Variants in KNDC1 observed in about 807,000 individuals in gnomAD.
The protein encoded by KNDC1 is kinase non-catalytic C-lobe domain-containing protein 1.
Under a neutral mutation model 172.8 loss-of-function variants are expected in KNDC1, and 106 were observed. The observed-to-expected ratio is 0.61, with a 90% confidence interval of 0.52 to 0.72. The LOEUF (loss-of-function observed/expected upper bound fraction) is 0.72. KNDC1 is among the 30% of genes least tolerant of loss of function. The pLI, the probability that KNDC1 is intolerant of heterozygous loss-of-function variation, is 0.00. For synonymous variants in KNDC1, 1,083 were observed against 1,062.2 expected, an observed-to-expected ratio of 1.02 and a Z score of -0.38; for missense variants, 2,325 against 2,394.5, an observed-to-expected ratio of 0.97 and a Z score of 0.61.
intron 29 of KNDC1, among the ~76,000 whole-genome samples, chr10:133,222,262 GAT>G (rs1197491904): frequency 1.4e-5 from 2 of 139,162 alleles, no homozygotes; most frequent in East Asian, 4.7e-4. Context: ...CAGCCTGGGC[GAT>G]AGAGCGAGAC....
chr10:133,201,390 A>G (rs957369250), intron 16 of KNDC1, 111 bp from the exon 17 acceptor site: 135 of 1,224,072 alleles, frequency 1.1e-4, no homozygotes, highest in Non-Finnish European at 1.5e-4. Context: ...GGGCGGGTGC[A>G]AGAGAGAAGG....
In KNDC1 at chr10:133,225,177, A is replaced by C. The variant is rs1423434395; in HGVS notation, c.*287A>C. On this transcript the variant is annotated 3_prime_UTR_variant, in exon 30 of 30. Coordinates refer to ENST00000304613, the MANE Select transcript of KNDC1 (RefSeq NM_152643.8). Reference sequence around the variant, plus strand: ...AAATGAAAATGAAAGACAGCTTCCCAGGAGTTTTGTGCCTGTCTGCGCCTC... The same window carrying C: ...AAATGAAAATGAAAGACAGCTTCCCCGGAGTTTTGTGCCTGTCTGCGCCTC... 1 of 390,542 alleles carries C rather than the reference A, an allele frequency of 2.6e-6. No individual in the cohort carries two copies. 24.2% of individuals were successfully genotyped at this position (390,542 alleles called of 1,614,324 possible).
chr10:133,222,119 T>TA (rs1845607593), intron 29 of KNDC1, among the ~76,000 whole-genome samples: 1 of 149,596 alleles, frequency 6.7e-6, no homozygotes, highest in Non-Finnish European at 1.5e-5. Context: ...CCATCTCTAC[T>TA]AAAAATACAA....
At chr10:133,175,461 T>C (rs1215892368) in intron 3 of KNDC1, among the ~76,000 whole-genome samples, 10 of 141,708 alleles carry the variant, frequency 7.1e-5, no homozygotes, top group African/African-American at 2.7e-4. Context: ...GGGTGGATGG[T>C]AGATGAACAG....
chr10:133,224,950 G>C lies in KNDC1; in HGVS notation c.*60G>C, dbSNP rs760273228. The C allele has an allele frequency of 2.9e-6, 4 of 1,375,698 alleles. No individual in the cohort carries two copies. The highest frequency in any genetic ancestry group is 4.1e-6 in the Non-Finnish European group (4 of 977,148). 85.2% of individuals were successfully genotyped at this position (1,375,698 alleles called of 1,614,324 possible). On this transcript the variant is annotated 3_prime_UTR_variant, in exon 30 of 30. Transcript: ENST00000304613. This position sits in a 1 kb window ranked among gnomAD's most constrained non-coding sequence, Gnocchi z 5.4. ...AATCCGACTGTGGGGGGCGGGCTGGGAGGTGGGAGCCGCGTCTCAGGCCCG... is the reference window on the plus strand; with the variant it reads ...AATCCGACTGTGGGGGGCGGGCTGGCAGGTGGGAGCCGCGTCTCAGGCCCG...
At chr10:133,200,646 C>T (rs2998136) in intron 16 of KNDC1, among the ~76,000 whole-genome samples, 186 bp downstream of exon 16, 70,445 of 149,956 alleles carry the variant, frequency 0.47, 16,929 homozygotes, top group Middle Eastern at 0.55. Context: ...AAAGGCCGCC[C>T]TCTCCTGGGG....
rs1469237366 is a variant in KNDC1 at position 133,188,453 on chromosome 10, C to G, written c.1327-86C>G. On this transcript the variant is annotated intron_variant, in intron 6 of 29. Transcript: ENST00000304613. The stretch of plus-strand genomic sequence containing the variant: ...ACTCAGGGGCTGAGTGGGCCTCACC[C>G]TGGCCTGTCCCCCGGACATGCCTCT... The G allele has an allele frequency of 3.5e-6, 3 of 852,572 alleles. No homozygotes were observed. The East Asian group carries it at 8.0e-5, about 23-fold the overall frequency. 52.8% of individuals were successfully genotyped at this position (852,572 alleles called of 1,614,324 possible).
Position 133,224,650 on chromosome 10 carries a change from CA to C in KNDC1, c.5019-7del, listed in dbSNP as rs778452387. On this transcript the variant is annotated splice_polypyrimidine_tract_variant and splice_region_variant and intron_variant, in intron 29 of 29. Coordinates refer to ENST00000304613, the MANE Select transcript of KNDC1 (RefSeq NM_152643.8). The surrounding 1 kb of genome is among the most constrained non-coding windows in gnomAD (Gnocchi z 5.4). ...TGCAAACTAACGTCTCTTCTTTCCT[CA>C]ACGGAAGGAACATCGCAAAGGTGGT... 3.7e-6 allele frequency: 6 copies of C among 1,611,088 alleles called. No individual in the cohort carries two copies. The South Asian group carries it at 4.4e-5, about 12-fold the overall frequency.
intron 17 of KNDC1, among the ~76,000 whole-genome samples, chr10:133,206,070 C>G (rs974485510): frequency 5.3e-5 from 8 of 151,980 alleles, no homozygotes; most frequent in Admixed American, 1.3e-4. Context: ...CATGGTGGTG[C>G]ATGCCTGTAA....
At chr10:133,188,471 A>C in intron 6 of KNDC1, 68 bp from the exon 7 acceptor site, 1 of 1,013,804 alleles carries the variant, frequency 9.9e-7, no homozygotes, top group Admixed American at 2.1e-5. Context: ...TCCCCCGGAC[A>C]TGCCTCTCCA....
At chr10:133,183,778 G>T in intron 4 of KNDC1, 94 bp from the exon 5 acceptor site, 1 of 1,038,662 alleles carries the variant, frequency 9.6e-7, no homozygotes, top group South Asian at 1.6e-5. Flanking sequence ...ACTGTCCCCA[G>T]GTCACCTTCA....
At chr10:133,181,997 G>A (rs1564881162) in intron 3 of KNDC1, among the ~76,000 whole-genome samples, 3 of 152,186 alleles carry the variant, frequency 2.0e-5, no homozygotes, top group Admixed American at 6.5e-5. Flanking sequence ...AGAAAAAGGA[G>A]TTTGAGGCAG....
intron 24 of KNDC1, 69 bp downstream of exon 24, chr10:133,212,991 AG>A: frequency 7.3e-7 from 1 of 1,362,858 alleles, no homozygotes; most frequent in South Asian, 1.3e-5. Flanking sequence ...CCGCGCCCAT[AG>A]GGCCCTCAGC....
Position 133,210,567 on chromosome 10 carries a change from T to C in KNDC1, c.3795-44T>C, listed in dbSNP as rs764882384. 2.5e-6 allele frequency: 3 copies of C among 1,189,698 alleles called. No individual in the cohort carries two copies. In the South Asian group the frequency reaches 3.6e-5, roughly 14 times the overall value. 73.7% of individuals were successfully genotyped at this position (1,189,698 alleles called of 1,614,324 possible). On this transcript the variant is annotated intron_variant, in intron 20 of 29. Coordinates refer to ENST00000304613, the MANE Select transcript of KNDC1 (RefSeq NM_152643.8). ...ACCGAACACTAGCCGAGCCCTGGGG[T>C]GCGGCCACCCCACCACCTCACCGCC...
Position 133,224,830 on chromosome 10 carries a change from C to A in KNDC1, c.5190C>A (p.Ser1730Arg). 6.2e-7 allele frequency: 1 copy of A among 1,614,068 alleles called. No individual in the cohort carries two copies. The highest frequency in any genetic ancestry group is 8.5e-7 in the Non-Finnish European group (1 of 1,180,014). ...GGGCCAACTTCCACCAGGTCTCCAG[C>A]GAGAAGCACTCACGGAAGATTCAGG... is the stretch of plus-strand genomic sequence containing the variant. The part of the protein sequence containing the change: ...DSRANFHQVS[S>R]EKHSRKIQDK... The change falls in exon 30 of 30, where the codon AGC becomes AGA. Residue 1730 changes from serine to arginine, a missense_variant. Transcript: ENST00000304613. This position sits in a 1 kb window ranked among gnomAD's most constrained non-coding sequence, Gnocchi z 5.4.
At chr10:133,179,677 G>T (rs920137202) in intron 3 of KNDC1, among the ~76,000 whole-genome samples, 2 of 152,234 alleles carry the variant, frequency 1.3e-5, no homozygotes, top group Non-Finnish European at 2.9e-5. Flanking sequence ...CACGTGCGTG[G>T]CCAGGCCCTG....
chr10:133,214,529 C>A (rs1024163944), intron 26 of KNDC1, among the ~76,000 whole-genome samples: 49 of 152,202 alleles, frequency 3.2e-4, no homozygotes, highest in Admixed American at 3.3e-4. Context: ...CACACAGAGT[C>A]CCTCACGCAC....
chr10:133,207,215 AC>A lies in KNDC1; in HGVS notation c.3659del (p.Thr1220SerfsTer82). The stretch of plus-strand genomic sequence containing the variant: ...GAACATCGCGGCCGCACCCTGCGAC[AC>A]GCTGGACTTCAGCCCCCTGGACGAG... ...IVNIAAAPCD[T>X]LDFSPLDESS... On this transcript the variant is annotated frameshift_variant, in exon 20 of 30. Coordinates refer to ENST00000304613, the MANE Select transcript of KNDC1 (RefSeq NM_152643.8). LOFTEE classifies it high-confidence loss of function. The A allele has an allele frequency of 6.2e-7, 1 of 1,612,544 alleles. No individual in the cohort carries two copies. Among genetic ancestry groups the A allele is most frequent in the Non-Finnish European group, 8.5e-7 (1 of 1,179,896 alleles).
At position 133,212,851 on chromosome 10, in the gene KNDC1, G is replaced by C; in HGVS notation, c.4372G>C (p.Glu1458Gln). ...CTACGGCCCCTGCGCCAAGACCAGT[G>C]AGAAGGGGCCCTACTTCCTGACGGA... Reference protein sequence around the residue: ...DFYGPCAKTSEKGPYFLTEYS... With the variant: ...DFYGPCAKTSQKGPYFLTEYS... Residue 1458 changes from glutamate (E) to glutamine (Q), a missense_variant, in exon 24 of 30, where the codon GAG becomes CAG. Physicochemically the swap from Glu to Gln is conservative, Grantham distance 29. Coordinates refer to ENST00000304613, the MANE Select transcript of KNDC1 (RefSeq NM_152643.8). 6.2e-7 allele frequency: 1 copy of C among 1,614,018 alleles called. No individual in the cohort carries two copies. Among genetic ancestry groups the C allele is most frequent in the South Asian group, 1.1e-5 (1 of 91,086 alleles).
Sources: gnomAD v4.1 joint callset for allele counts (sites outside exome capture counted in the v4.1 genomes callset) on GRCh38, gnomAD v4.1.1 for gene constraint, Gnocchi (gnomAD v3.1) non-coding constraint, MANE v1.5 for transcripts, NCBI Gene and HGNC (gene_info 2026-07-23, HGNC 2026-07-21) for gene names.